The following IFT43 variants were observed in gnomAD, a reference collection of about 807,000 sequenced individuals.
IFT43 encodes intraflagellar transport 43, also known as intraflagellar transport protein 43 homolog.
A neutral mutation model predicts 32.3 loss-of-function variants in IFT43; 33 were observed. That is an observed-to-expected ratio of 1.02 (90% CI 0.77 to 1.37). IFT43 has a LOEUF of 1.37. Ranked by LOEUF, IFT43 falls within the 40% of genes most tolerant of loss-of-function variation. The pLI is 0.00. For missense variants in IFT43, 274 were observed against 265.9 expected (o/e 1.03, Z -0.21); for synonymous variants, 93 against 98.2 (o/e 0.95, Z 0.31).
chr14:75,988,104 T>A (rs1393088116), intron 1 of IFT43, among the ~76,000 whole-genome samples: 1 of 152,230 alleles, frequency 6.6e-6, no homozygotes, highest in Non-Finnish European at 1.5e-5. Flanking sequence ...CTAGAGGAAT[T>A]TGTAACTGCA....
chr14:76,027,563 G>T (rs2036425758), intron 3 of IFT43, among the ~76,000 whole-genome samples: 1 of 152,048 alleles, frequency 6.6e-6, no homozygotes, highest in African/African-American at 2.4e-5. Flanking sequence ...CAAAAAATTA[G>T]CTAGGTGTGG....
At chr14:76,077,232 G>T (rs145996162) in intron 5 of IFT43, among the ~76,000 whole-genome samples, 2 of 152,194 alleles carry the variant, frequency 1.3e-5, no homozygotes, top group South Asian at 4.2e-4. Context: ...CTCCCAGGGG[G>T]CCTTGCAGCT....
chr14:76,045,027 G>A (rs1272480128), intron 3 of IFT43, among the ~76,000 whole-genome samples: 1 of 152,190 alleles, frequency 6.6e-6, no homozygotes, highest in Non-Finnish European at 1.5e-5. Flanking sequence ...TAGGCTGTAT[G>A]TGGTTAAGTT....
At chr14:76,004,813 G>C (rs2035952003) in intron 2 of IFT43, among the ~76,000 whole-genome samples, 1 of 151,790 alleles carries the variant, frequency 6.6e-6, no homozygotes, top group African/African-American at 2.4e-5. Flanking sequence ...GATTTTTACT[G>C]TTGTGTTCAA....
chr14:76,028,231 A>G (rs1594827973), intron 3 of IFT43, among the ~76,000 whole-genome samples: 1 of 152,064 alleles, frequency 6.6e-6, no homozygotes, highest in Non-Finnish European at 1.5e-5. Flanking sequence ...ATAATTAGTA[A>G]TTGGGGTACC....
At chr14:76,055,310 C>A (rs75901165) in intron 3 of IFT43, among the ~76,000 whole-genome samples, 14,765 of 150,670 alleles carry the variant, frequency 0.098, 849 homozygotes, top group Middle Eastern at 0.15. Context: ...CTCAACACTG[C>A]ACTCCACTCT....
intron 3 of IFT43, among the ~76,000 whole-genome samples, chr14:76,043,451 T>G (rs1007128717): frequency 6.6e-6 from 1 of 151,002 alleles, no homozygotes; most frequent in Non-Finnish European, 1.5e-5. Context: ...GGTGCATGAC[T>G]GGTGGTGCAA....
chr14:75,990,401 T>C (rs913980808), intron 2 of IFT43, among the ~76,000 whole-genome samples: 1 of 152,258 alleles, frequency 6.6e-6, no homozygotes, highest in African/African-American at 2.4e-5. Context: ...TCCATTGTGA[T>C]ACTTATTACA....
chr14:76,083,593 T>C lies in IFT43; in HGVS notation c.*16T>C. On this transcript the variant is annotated 3_prime_UTR_variant, in exon 9 of 9. Coordinates refer to ENST00000314067, the MANE Select transcript of IFT43 (RefSeq NM_001102564.3). ...GCACACCTGAGCCCGTCACCCATGC[T>C]CTAGACATGAAGAAATGCAATGAGC... The C allele has an allele frequency of 6.2e-7, 1 of 1,613,386 alleles. No homozygotes were observed. Among genetic ancestry groups the C allele is most frequent in the Non-Finnish European group, 8.5e-7 (1 of 1,179,888 alleles).
chr14:76,063,492 G>A (rs960176306), intron 5 of IFT43, among the ~76,000 whole-genome samples: 2 of 152,232 alleles, frequency 1.3e-5, no homozygotes, highest in Admixed American at 6.5e-5. Context: ...CGTGCTATGT[G>A]TGGGGCTCCC....
intron 2 of IFT43, among the ~76,000 whole-genome samples, chr14:76,017,258 A>T (rs2036205943): frequency 6.6e-6 from 1 of 152,180 alleles, no homozygotes; most frequent in Non-Finnish European, 1.5e-5. Flanking sequence ...TTTATTATGA[A>T]GGGATGTTCA....
chr14:75,988,740 G>A, intron 1 of IFT43, 145 bp from the exon 2 acceptor site: 1 of 1,137,420 alleles, frequency 8.8e-7, no homozygotes, highest in Non-Finnish European at 1.3e-6. Context: ...GGATGGTCTG[G>A]ATCTCCTGAC....
chr14:76,045,748 G>A (rs1407357849), intron 3 of IFT43, among the ~76,000 whole-genome samples: 1 of 152,216 alleles, frequency 6.6e-6, no homozygotes, highest in Non-Finnish European at 1.5e-5. Context: ...ACGGTGAAGG[G>A]CTCTTTCTTA....
intron 3 of IFT43, among the ~76,000 whole-genome samples, chr14:76,047,667 G>A (rs1373967465): frequency 6.6e-6 from 1 of 151,660 alleles, no homozygotes; most frequent in Non-Finnish European, 1.5e-5. Context: ...AAGGGAAGAG[G>A]CAGGACTGCC....
intron 2 of IFT43, among the ~76,000 whole-genome samples, chr14:76,004,067 C>T (rs1331318728): frequency 6.6e-6 from 1 of 152,128 alleles, no homozygotes; most frequent in Non-Finnish European, 1.5e-5. Flanking sequence ...TGAACCACCA[C>T]CCCCAGCCCA....
intron 5 of IFT43, among the ~76,000 whole-genome samples, chr14:76,067,175 A>T (rs762692361): frequency 2.8e-4 from 42 of 152,224 alleles, no homozygotes; most frequent in Non-Finnish European, 6.0e-4. Context: ...CCTTGGGAAG[A>T]TGCATGCTCT....
At chr14:75,993,486 G>C (rs2035681688) in intron 2 of IFT43, among the ~76,000 whole-genome samples, 1 of 152,146 alleles carries the variant, frequency 6.6e-6, no homozygotes, top group South Asian at 2.1e-4. Context: ...TGATCTGCCT[G>C]GTTCCCATTT....
chr14:76,068,201 G>A (rs563347933), intron 5 of IFT43, among the ~76,000 whole-genome samples: 2 of 152,240 alleles, frequency 1.3e-5, no homozygotes, highest in Non-Finnish European at 2.9e-5. Flanking sequence ...GGAAGAGCAT[G>A]TGCTGGGTCC....
intron 5 of IFT43, among the ~76,000 whole-genome samples, chr14:76,061,543 G>A (rs1430447171): frequency 6.6e-6 from 1 of 152,110 alleles, no homozygotes; most frequent in South Asian, 2.1e-4. Context: ...CTTCAACTTG[G>A]ATCGTTTGTA....
Sources: gnomAD v4.1 joint callset for allele counts (sites outside exome capture counted in the v4.1 genomes callset) on GRCh38, gnomAD v4.1.1 for gene constraint, MANE v1.5 for transcripts, NCBI Gene and HGNC (gene_info 2026-07-23, HGNC 2026-07-21) for gene names.